Variants in ERV3-1 observed in about 807,000 individuals in gnomAD.
ERV3-1 encodes the protein endogenous retrovirus group 3 member 1 Env polyprotein.
ERV3-1 carries 36 observed loss-of-function variants against 24.6 expected under a neutral mutation model. The ratio of observed to expected loss-of-function variants is 1.47; its 90% CI spans 1.12 to 1.94. The LOEUF (loss-of-function observed/expected upper bound fraction) is 1.94. ERV3-1 is among the 30% of genes most tolerant of loss of function. The pLI is 0.00. For synonymous variants in ERV3-1, 211 were observed against 122.6 expected (o/e 1.72, Z -4.76); for missense variants, 578 against 330.9 (o/e 1.75, Z -5.79).
intron 1 of ERV3-1, 173 bp downstream of exon 1, chr7:65,006,368 C>T (rs1786650706): frequency 4.5e-6 from 5 of 1,120,412 alleles, no homozygotes; most frequent in Admixed American, 2.2e-5. Context: ...GCTGTCAGCC[C>T]GGCCGCCATC....
intron 1 of ERV3-1, among the ~76,000 whole-genome samples, chr7:64,999,637 G>A (rs556076050): frequency 5.3e-5 from 8 of 152,318 alleles, no homozygotes; most frequent in South Asian, 4.1e-4. Context: ...TGACCTTGCC[G>A]TGCTACAGAA....
At chr7:64,993,575 A>G (rs1382478585) in intron 1 of ERV3-1, among the ~76,000 whole-genome samples, 161 bp from the exon 2 acceptor site, 3 of 152,160 alleles carry the variant, frequency 2.0e-5, no homozygotes, top group Non-Finnish European at 4.4e-5. Flanking sequence ...GTACCCAGCC[A>G]TGGACACTTC....
chr7:65,005,913 T>G (rs1786637677), intron 1 of ERV3-1, among the ~76,000 whole-genome samples: 1 of 152,208 alleles, frequency 6.6e-6, no homozygotes, highest in Admixed American at 6.5e-5. Flanking sequence ...AATTAACCTC[T>G]CATTACATGA....
At position 64,991,308 on chromosome 7, in the gene ERV3-1, G is replaced by A. The variant is rs1786258705; in HGVS notation, c.1719C>T (p.Cys573=). 1 of 713,622 alleles carries A rather than the reference G, an allele frequency of 1.4e-6. No individual in the cohort carries two copies. Among genetic ancestry groups the A allele is most frequent in the Non-Finnish European group, 2.6e-6 (1 of 389,504 alleles). The allele number at this position is 713,622 out of a possible 1,614,324, so 44.2% of individuals were successfully genotyped here. ...GVCGKFNLTN[C]CLELDDEGKV... The stretch of plus-strand genomic sequence containing the variant: ...TTCCTTCGTCATCAAGTTCCAGGCA[G>A]CAGTTAGTAAGGTTGAACTTTCCGC... Residue 573 remains cysteine (C), a synonymous_variant, in exon 2 of 2, where the codon TGC becomes TGT. Coordinates refer to ENST00000394323, the MANE Select transcript of ERV3-1 (RefSeq NM_001007253.4).
intron 1 of ERV3-1, among the ~76,000 whole-genome samples, chr7:64,996,876 G>C (rs546532794): frequency 6.7e-6 from 1 of 150,094 alleles, no homozygotes; most frequent in East Asian, 1.9e-4. Context: ...ATGGGCTCCT[G>C]GGGGGCTAAA....
chr7:64,991,352 C>A lies in ERV3-1; in HGVS notation c.1675G>T (p.Ala559Ser), dbSNP rs1225537558. Residue 559 changes from alanine (A) to serine (S), a missense_variant, in exon 2 of 2, where the codon GCC (alanine) becomes TCC (serine). Transcript: ENST00000394323. ...TTTCCGCATACTCCCTCTTCCTGGGCTAGGAGGTAGTCTAAGGCCAGTCTA... is the reference window on the plus strand; with the variant it reads ...TTTCCGCATACTCCCTCTTCCTGGGATAGGAGGTAGTCTAAGGCCAGTCTA... ...QNRLALDYLL[A>S]QEEGVCGKFN... is the part of the protein sequence containing the mutation. The A allele has an allele frequency of 4.3e-6, 3 of 704,518 alleles. No individual in the cohort carries two copies. Among genetic ancestry groups the A allele is most frequent in the Non-Finnish European group, 5.2e-6 (2 of 385,216 alleles). 43.6% of individuals were successfully genotyped at this position (704,518 alleles called of 1,614,324 possible).
At chr7:65,002,048 C>A (rs1000722513) in intron 1 of ERV3-1, among the ~76,000 whole-genome samples, 2 of 152,142 alleles carry the variant, frequency 1.3e-5, no homozygotes, top group African/African-American at 4.8e-5. Context: ...ATACAAAATA[C>A]AACCCAGAAA....
intron 1 of ERV3-1, among the ~76,000 whole-genome samples, chr7:64,996,855 CTAA>C (rs1786415742): frequency 6.6e-6 from 1 of 152,186 alleles, no homozygotes; most frequent in Non-Finnish European, 1.5e-5. Flanking sequence ...CCTCCTACTT[CTAA>C]TGTGACCATG....
intron 1 of ERV3-1, among the ~76,000 whole-genome samples, chr7:64,998,728 A>G (rs1786456612): frequency 6.6e-6 from 1 of 152,056 alleles, no homozygotes; most frequent in African/African-American, 2.4e-5. Context: ...CTGAACCCGG[A>G]CCACCACAAT....
At position 64,992,440 on chromosome 7, in the gene ERV3-1, G is replaced by C. The variant is rs1051617480; in HGVS notation, c.587C>G (p.Thr196Ser). 2.6e-6 allele frequency: 2 copies of C among 766,278 alleles called. No individual in the cohort carries two copies. The highest frequency in any genetic ancestry group is 3.4e-5 in the African/African-American group (2 of 59,110). The allele number at this position is 766,278 out of a possible 1,614,324, so 47.5% of individuals were successfully genotyped here. Residue 196 changes from threonine to serine, a missense_variant, in exon 2 of 2, where the codon ACT becomes AGT. Transcript: ENST00000394323. ...GATGGTAAGATTTACAGAATTGCAA[G>C]TGCTTGTTTTACAATCTGGTTCTAA... ...IPLEPDCKTSTCNSVNLTILE... is the reference protein window; with the variant it reads ...IPLEPDCKTSSCNSVNLTILE...
At chr7:65,000,609 T>A (rs1395222179) in intron 1 of ERV3-1, among the ~76,000 whole-genome samples, 2 of 152,084 alleles carry the variant, frequency 1.3e-5, no homozygotes, top group African/African-American at 4.8e-5. Context: ...CAAAACCACA[T>A]CTCTACAAAA....
At chr7:65,002,833 T>C (rs1584071052) in intron 1 of ERV3-1, among the ~76,000 whole-genome samples, 1 of 152,204 alleles carries the variant, frequency 6.6e-6, no homozygotes, top group East Asian at 1.9e-4. Flanking sequence ...CCTTCTAATC[T>C]TTTTTGCTCC....
At chr7:65,000,746 C>T (rs1211944410) in intron 1 of ERV3-1, among the ~76,000 whole-genome samples, 1 of 152,112 alleles carries the variant, frequency 6.6e-6, no homozygotes, top group Admixed American at 6.5e-5. Context: ...GATCACATCA[C>T]TGTACTTCAG....
intron 1 of ERV3-1, among the ~76,000 whole-genome samples, chr7:64,997,371 G>A (rs138886982): frequency 1.6e-4 from 25 of 152,278 alleles, no homozygotes; most frequent in Admixed American, 3.3e-4. Flanking sequence ...CAAACTCTGC[G>A]TTCACCATGC....
intron 1 of ERV3-1, among the ~76,000 whole-genome samples, chr7:64,994,617 T>C (rs1786361939): frequency 6.6e-6 from 1 of 152,216 alleles, no homozygotes; most frequent in Admixed American, 6.5e-5. Flanking sequence ...TGCTACTTTC[T>C]CTGGGATCCA....
intron 1 of ERV3-1, among the ~76,000 whole-genome samples, chr7:64,994,525 C>T (rs1347635162): frequency 6.6e-6 from 1 of 152,120 alleles, no homozygotes; most frequent in East Asian, 1.9e-4. Context: ...ACCATTGCTG[C>T]CCATTTTGCC....
chr7:64,995,296 G>A (rs984208174), intron 1 of ERV3-1, among the ~76,000 whole-genome samples: 3 of 152,218 alleles, frequency 2.0e-5, no homozygotes, highest in Non-Finnish European at 2.9e-5. Flanking sequence ...TAGCACCACA[G>A]AGTCAACTGT....
At chr7:64,997,189 G>A (rs1250216205) in intron 1 of ERV3-1, among the ~76,000 whole-genome samples, 1 of 152,186 alleles carries the variant, frequency 6.6e-6, no homozygotes, top group African/African-American at 2.4e-5. Flanking sequence ...TTCCTGTGAG[G>A]ACTGCCACTA....
rs1189600292 is a variant in ERV3-1, at chr7:64,991,036, C to T, written c.*176G>A. 1 of 521,602 alleles carries T rather than the reference C, an allele frequency of 1.9e-6. No homozygotes were observed. Among genetic ancestry groups the T allele is most frequent in the Admixed American group, 3.4e-5 (1 of 29,044 alleles). 32.3% of individuals were successfully genotyped at this position (521,602 alleles called of 1,614,324 possible). A position where few individuals can be genotyped will look rare whatever the true frequency, so the allele number is the denominator to read the frequency against. On this transcript the variant is annotated 3_prime_UTR_variant, in exon 2 of 2. Coordinates refer to ENST00000394323, the MANE Select transcript of ERV3-1 (RefSeq NM_001007253.4). ...TTAATACTTAGTTAGGGCCATTAGT[C>T]GTGTGGTAGTCCGTCTGTCCACAAG...
Sources: gnomAD v4.1 joint callset for allele counts (sites outside exome capture counted in the v4.1 genomes callset) on GRCh38, gnomAD v4.1.1 for gene constraint, MANE v1.5 for transcripts, NCBI Gene and HGNC (gene_info 2026-07-23, HGNC 2026-07-21) for gene names.